GATM: variants seen among roughly 807,000 people sequenced by gnomAD.
The protein encoded by GATM is glycine amidinotransferase.
A neutral mutation model predicts 54.2 loss-of-function variants in GATM; 23 were observed. The observed-to-expected ratio is 0.42, with a 90% CI of 0.31 to 0.60. The LOEUF (loss-of-function observed/expected upper bound fraction) is 0.60. GATM is among the 20% of genes least tolerant of loss of function. The pLI, the probability that GATM is intolerant of heterozygous loss-of-function variation, is 0.14. For missense variants in GATM, 401 were observed against 544.9 expected, an observed-to-expected ratio of 0.74 and a Z score of 2.63; for synonymous variants, 168 against 183.1, an observed-to-expected ratio of 0.92 and a Z score of 0.67.
chr15:45,364,767 T>G (rs750713078), intron 7 of GATM, 30 bp downstream of exon 7: 3 of 1,582,402 alleles, frequency 1.9e-6, no homozygotes, highest in African/African-American at 2.7e-5. Flanking sequence ...GTAATTATTT[T>G]AGTCTAACAG....
chr15:45,391,931 G>T (rs771609621), intron 3 of GATM, among the ~76,000 whole-genome samples: 1 of 152,214 alleles, frequency 6.6e-6, no homozygotes, highest in African/African-American at 2.4e-5. Flanking sequence ...CTATGGCAGA[G>T]TAAAACACAG....
At chr15:45,384,498 C>G (rs1889781662) in intron 3 of GATM, among the ~76,000 whole-genome samples, 1 of 152,148 alleles carries the variant, frequency 6.6e-6, no homozygotes, top group Non-Finnish European at 1.5e-5. Flanking sequence ...ATAGGGGTAG[C>G]TGTTGCTCCC....
intron 7 of GATM, 24 bp downstream of exon 7, chr15:45,364,772 TA>T: frequency 6.3e-7 from 1 of 1,593,696 alleles, no homozygotes; most frequent in South Asian, 1.1e-5. Context: ...TATTTTAGTC[TA>T]ACAGTGTATG....
At position 45,376,583 on chromosome 15, in the gene GATM, T is replaced by G. The variant is rs1595485758; in HGVS notation, c.288+18A>C. The G allele has an allele frequency of 1.9e-6, 3 of 1,611,926 alleles. No homozygotes were observed. The highest frequency in any genetic ancestry group is 3.3e-5 in the Admixed American group (2 of 60,022). ...AGGAGGGAGCGCACTTTCAGACATG[T>G]GAATAGCCTTCCTTTACCTTCACCT... On this transcript the variant is annotated intron_variant, in intron 2 of 8. Coordinates refer to ENST00000396659, the MANE Select transcript of GATM (RefSeq NM_001482.3).
chr15:45,394,096 G>A (rs150896648), intron 3 of GATM, among the ~76,000 whole-genome samples: 6 of 152,252 alleles, frequency 3.9e-5, no homozygotes, highest in East Asian at 3.9e-4. Context: ...GCCACAGACC[G>A]CTGCCAGTCC....
intron 1 of GATM, 53 bp downstream of exon 1, chr15:45,378,332 C>T: frequency 7.1e-7 from 1 of 1,414,166 alleles, no homozygotes; most frequent in East Asian, 2.7e-5. Flanking sequence ...CCACGCCGCC[C>T]GCAGGATCGA....
intron 3 of GATM, among the ~76,000 whole-genome samples, chr15:45,395,203 C>G (rs1342027707): frequency 2.0e-5 from 3 of 152,136 alleles, no homozygotes; most frequent in African/African-American, 7.2e-5. Flanking sequence ...GTAGGCTGGC[C>G]TTGTTTCTGG....
intron 2 of GATM, among the ~76,000 whole-genome samples, chr15:45,399,049 T>A (rs910042194): frequency 6.6e-6 from 1 of 152,186 alleles, no homozygotes; most frequent in Non-Finnish European, 1.5e-5. Flanking sequence ...ACAAAGGACA[T>A]AAAGAGAAAC....
At chr15:45,381,693 T>C (rs1889742903), upstream of GATM, among the ~76,000 whole-genome samples, 1 of 152,204 alleles carries the variant, frequency 6.6e-6, no homozygotes, top group Non-Finnish European at 1.5e-5. Context: ...TGGATGAGAT[T>C]AGCTATCTAC....
chr15:45,391,762 C>T (rs1297284049), intron 3 of GATM, among the ~76,000 whole-genome samples: 2 of 152,136 alleles, frequency 1.3e-5, no homozygotes, highest in South Asian at 4.1e-4. Context: ...AAAAGTGATT[C>T]TGGCTTCATT....
intron 8 of GATM, 27 bp downstream of exon 8, chr15:45,363,873 A>G: frequency 7.7e-7 from 1 of 1,301,856 alleles, no homozygotes; most frequent in Non-Finnish European, 1.1e-6. Flanking sequence ...TTCATGTATG[A>G]CAACATGTTT....
chr15:45,371,506 T>C (rs1889543783), intron 2 of GATM, among the ~76,000 whole-genome samples: 1 of 152,234 alleles, frequency 6.6e-6, no homozygotes, highest in African/African-American at 2.4e-5. Context: ...TAAAACTTGG[T>C]AATGGGCTCA....
At chr15:45,378,304 A>G in intron 1 of GATM, 81 bp downstream of exon 1, 1 of 1,104,804 alleles carries the variant, frequency 9.1e-7, no homozygotes, top group Non-Finnish European at 1.3e-6. Context: ...GGCTCCGGGC[A>G]GGGAGCGAGC....
chr15:45,368,348 A>T lies in GATM; in HGVS notation c.485-88T>A. On this transcript the variant is annotated intron_variant, in intron 3 of 8. Transcript: ENST00000396659. The surrounding 1 kb of genome is among the most constrained non-coding windows in gnomAD (Gnocchi z 5.1). ...TATATAGGGCCAGGCACAGTGGCTC[A>T]TGCCTGTAATCCCACCACTTTGGGA... is the stretch of plus-strand genomic sequence containing the variant. 1 of 1,125,848 alleles carries T rather than the reference A, an allele frequency of 8.9e-7. No individual in the cohort carries two copies. The highest frequency in any genetic ancestry group is 1.9e-5 in the Admixed American group (1 of 52,116). 69.7% of individuals were successfully genotyped at this position (1,125,848 alleles called of 1,614,324 possible).
Position 45,364,849 on chromosome 15 carries a change from G to A in GATM, c.990C>T (p.Phe330=). 1.2e-6 allele frequency: 2 copies of A among 1,613,736 alleles called. No individual in the cohort carries two copies. Among genetic ancestry groups the A allele is most frequent in the Non-Finnish European group, 1.7e-6 (2 of 1,179,824 alleles). The change falls in exon 7 of 9, where the codon TTC becomes TTT. Residue 330 remains phenylalanine (F), a synonymous_variant. Coordinates refer to ENST00000396659, the MANE Select transcript of GATM (RefSeq NM_001482.3). ...TAATGATAGTCCATCCTGCTTTCTT[G>A]AAAAGATCAATCTGTAAGACCAAAA... is the stretch of plus-strand genomic sequence containing the variant. ...PDRPCHQIDL[F]KKAGWTIITP...
At position 45,361,984 on chromosome 15, in the gene GATM, C is replaced by A. The variant is rs143689218; in HGVS notation, c.*125G>T. On this transcript the variant is annotated 3_prime_UTR_variant, in exon 9 of 9. Coordinates refer to ENST00000396659, the MANE Select transcript of GATM (RefSeq NM_001482.3). ...TAATAGAAGCAAACCAGGCTTACGA[C>A]CCCTGTTAAGGAGATGATTGTTTAA... 2 of 700,614 alleles carry A rather than the reference C, an allele frequency of 2.9e-6. No individual in the cohort carries two copies. Among genetic ancestry groups the A allele is most frequent in the Non-Finnish European group, 2.6e-6 (1 of 382,838 alleles). The allele number at this position is 700,614 out of a possible 1,614,324, so 43.4% of individuals were successfully genotyped here.
intron 2 of GATM, among the ~76,000 whole-genome samples, chr15:45,370,747 G>A (rs72709086): frequency 0.022 from 3,286 of 152,266 alleles, 47 homozygotes; most frequent in Middle Eastern, 0.037. Context: ...TAGGGTAGGT[G>A]CAACAGCTGT....
intron 2 of GATM, among the ~76,000 whole-genome samples, chr15:45,371,162 A>G (rs1030658396): frequency 2.0e-5 from 3 of 152,212 alleles, no homozygotes; most frequent in Admixed American, 2.0e-4. Flanking sequence ...CAATTTCTCA[A>G]TCATAAATAC....
intron 2 of GATM, among the ~76,000 whole-genome samples, chr15:45,373,074 G>A (rs1157580915): frequency 6.6e-6 from 1 of 152,176 alleles, no homozygotes; most frequent in Non-Finnish European, 1.5e-5. Flanking sequence ...TCTTTGGAAG[G>A]CTAAGAAATG....
Sources: allele counts gnomAD v4.1 joint callset (sites outside exome capture counted in the v4.1 genomes callset), GRCh38; gene constraint gnomAD v4.1.1; non-coding constraint Gnocchi (gnomAD v3.1); transcripts MANE v1.5; gene names NCBI Gene and HGNC (gene_info 2026-07-23, HGNC 2026-07-21).